CAMK2D: variants seen among roughly 807,000 people sequenced by gnomAD.
The protein encoded by CAMK2D is calcium/calmodulin-dependent protein kinase type II subunit delta.
A neutral mutation model predicts 84.0 loss-of-function variants in CAMK2D; 37 were observed. That is an observed-to-expected ratio of 0.44 (90% CI 0.34 to 0.58). The LOEUF (loss-of-function observed/expected upper bound fraction) is 0.58, where lower values mean the gene tolerates loss of function less well. CAMK2D is among the 20% of genes least tolerant of loss of function. The pLI is 0.02. For synonymous variants in CAMK2D, 202 were observed against 212.5 expected (o/e 0.95, Z 0.43); for missense variants, 448 against 652.5 (o/e 0.69, Z 3.41).
intron 3 of CAMK2D, among the ~76,000 whole-genome samples, chr4:113,650,724 G>T (rs940562102): frequency 2.6e-5 from 4 of 152,044 alleles, no homozygotes; most frequent in Non-Finnish European, 5.9e-5. Context: ...CATGTTTTTT[G>T]ACAAATATCC....
intron 4 of CAMK2D, among the ~76,000 whole-genome samples, chr4:113,586,263 C>T (rs553027496): frequency 2.6e-5 from 4 of 152,162 alleles, no homozygotes; most frequent in Non-Finnish European, 4.4e-5. Context: ...ACACTTGTTG[C>T]TGTAAGAATG....
At position 113,454,255 on chromosome 4, in the gene CAMK2D, AT is replaced by A. The variant is rs75145111; in HGVS notation, c.*289del. ...AAGAGTTGTACTTGGAATATTGTGG[AT>A]TTTTTTTTTTGTCTAATCTCCCCCT... On this transcript the variant is annotated 3_prime_UTR_variant, in exon 21 of 21. Coordinates refer to ENST00000511664, the MANE Select transcript of CAMK2D (RefSeq NM_001321571.2). 0.21 allele frequency: 60,351 copies of A among 284,368 alleles called. 4,544 individuals are homozygous for A. The highest frequency in any genetic ancestry group is 0.49 in the East Asian group (8,541 of 17,606). 17.6% of individuals were successfully genotyped at this position (284,368 alleles called of 1,614,324 possible).
At chr4:113,489,038 A>T (rs1034582709) in intron 16 of CAMK2D, among the ~76,000 whole-genome samples, 2 of 152,238 alleles carry the variant, frequency 1.3e-5, no homozygotes, top group East Asian at 3.8e-4. Flanking sequence ...ACTGTGTTAC[A>T]TTAGTGGTGG....
intron 2 of CAMK2D, among the ~76,000 whole-genome samples, chr4:113,671,029 T>G (rs1030697425): frequency 2.6e-5 from 4 of 152,192 alleles, no homozygotes; most frequent in Admixed American, 1.3e-4. Flanking sequence ...AACACTTACT[T>G]CAGGGATTTT....
At chr4:113,707,293 C>A (rs965890141) in intron 2 of CAMK2D, among the ~76,000 whole-genome samples, 21 of 152,038 alleles carry the variant, frequency 1.4e-4, no homozygotes, top group African/African-American at 5.1e-4. Context: ...AGGAAGGAAG[C>A]CCACACAGAT....
At chr4:113,498,808 A>T (rs1180692270) in intron 16 of CAMK2D, among the ~76,000 whole-genome samples, 1 of 152,230 alleles carries the variant, frequency 6.6e-6, no homozygotes. Flanking sequence ...CTGTTTATAC[A>T]TTAATGTTTA....
At chr4:113,462,991 T>C (rs1225570386) in intron 17 of CAMK2D, among the ~76,000 whole-genome samples, 1 of 152,152 alleles carries the variant, frequency 6.6e-6, no homozygotes, top group Admixed American at 6.5e-5. Flanking sequence ...TAGGGAACGG[T>C]TGTCTCTGAA....
chr4:113,509,737 A>G, intron 12 of CAMK2D, 62 bp from the exon 13 acceptor site: 14 of 1,216,132 alleles, frequency 1.2e-5, no homozygotes, highest in Non-Finnish European at 1.7e-5. Flanking sequence ...GCCAGACAAC[A>G]AAGCAGTCAG....
At chr4:113,619,886 C>A (rs2099037871) in intron 3 of CAMK2D, among the ~76,000 whole-genome samples, 1 of 151,950 alleles carries the variant, frequency 6.6e-6, no homozygotes, top group African/African-American at 2.4e-5. Context: ...GGTAAGATTG[C>A]TGAAAGAGAG....
chr4:113,619,012 T>C (rs1008638008), intron 3 of CAMK2D, among the ~76,000 whole-genome samples: 5 of 152,174 alleles, frequency 3.3e-5, no homozygotes, highest in African/African-American at 1.2e-4. Context: ...AAACGTGTGG[T>C]GCATTTGCTT....
chr4:113,536,875 T>C (rs983671058), intron 7 of CAMK2D, among the ~76,000 whole-genome samples: 9 of 152,214 alleles, frequency 5.9e-5, no homozygotes, highest in African/African-American at 2.2e-4. Flanking sequence ...TACACATAAA[T>C]AGATGCTTCA....
intron 2 of CAMK2D, among the ~76,000 whole-genome samples, chr4:113,696,199 C>CACAG (rs1186726041): frequency 3.2e-4 from 2 of 6,290 alleles, no homozygotes; most frequent in African/African-American, 4.3e-4. Flanking sequence ...CACACAGACA[C>CACAG]ACACACACAC....
At chr4:113,728,545 A>G (rs911283125) in intron 2 of CAMK2D, among the ~76,000 whole-genome samples, 1 of 152,194 alleles carries the variant, frequency 6.6e-6, no homozygotes, top group African/African-American at 2.4e-5. Context: ...AGGTAGCTAC[A>G]TATGTGTATG....
chr4:113,598,498 A>G (rs535829507), intron 4 of CAMK2D, among the ~76,000 whole-genome samples: 12 of 152,342 alleles, frequency 7.9e-5, no homozygotes, highest in Admixed American at 2.0e-4. Flanking sequence ...TTTAGATATA[A>G]GACCAAACAC....
intron 14 of CAMK2D, chr4:113,503,407 A>G: frequency 2.3e-6 from 1 of 427,930 alleles, no homozygotes; most frequent in Non-Finnish European, 4.6e-6. Flanking sequence ...TTTCAGTTAT[A>G]TTGGTTTGAA....
At chr4:113,523,808 C>T (rs6533696) in intron 8 of CAMK2D, among the ~76,000 whole-genome samples, 80,444 of 151,700 alleles carry the variant, frequency 0.53, 22,663 homozygotes, top group African/African-American at 0.72. Flanking sequence ...AACAAACAAA[C>T]AAATAAATAA....
At chr4:113,626,567 A>T (rs1215873727) in intron 3 of CAMK2D, among the ~76,000 whole-genome samples, 2 of 152,224 alleles carry the variant, frequency 1.3e-5, no homozygotes, top group East Asian at 3.8e-4. Flanking sequence ...CATGTGGGAC[A>T]ATAGGGTTTC....
intron 16 of CAMK2D, among the ~76,000 whole-genome samples, chr4:113,466,531 G>A (rs1214853332): frequency 6.6e-6 from 1 of 151,994 alleles, no homozygotes; most frequent in Non-Finnish European, 1.5e-5. Context: ...CACTGTGACT[G>A]GCCTTTGTTT....
intron 2 of CAMK2D, among the ~76,000 whole-genome samples, chr4:113,702,829 G>A (rs1418112156): frequency 6.6e-6 from 1 of 152,132 alleles, no homozygotes; most frequent in South Asian, 2.1e-4. Flanking sequence ...AACCCAGGAG[G>A]CAGAGGCTAC....
Sources: gnomAD v4.1 joint callset for allele counts (sites outside exome capture counted in the v4.1 genomes callset) on GRCh38, gnomAD v4.1.1 for gene constraint, MANE v1.5 for transcripts, NCBI Gene and HGNC (gene_info 2026-07-23, HGNC 2026-07-21) for gene names.